Variants in ICAM1 observed in about 807,000 individuals in gnomAD.
ICAM1 encodes the protein intercellular adhesion molecule 1.
A neutral mutation model predicts 42.3 loss-of-function variants in ICAM1; 28 were observed. The ratio of observed to expected loss-of-function variants is 0.66; its 90% CI spans 0.49 to 0.91. The LOEUF (loss-of-function observed/expected upper bound fraction) is 0.91. ICAM1 is among the 40% of genes least tolerant of loss of function. ICAM1 has a pLI of 0.00. For synonymous variants in ICAM1, 304 were observed against 305.9 expected (o/e 0.99, Z 0.07); for missense variants, 637 against 688.6 (o/e 0.93, Z 0.84).
intron 2 of ICAM1, among the ~76,000 whole-genome samples, chr19:10,275,827 C>T (rs1445042100): frequency 3.3e-5 from 5 of 151,402 alleles, no homozygotes; most frequent in Admixed American, 6.6e-5. Flanking sequence ...CCTGCCTCAG[C>T]CTCCCGAGTA....
intron 1 of ICAM1, among the ~76,000 whole-genome samples, chr19:10,271,806 A>C (rs914547615): frequency 1.3e-5 from 2 of 151,202 alleles, no homozygotes; most frequent in Non-Finnish European, 3.0e-5. Context: ...GGCTGCTTCT[A>C]CTTGGGGGAA....
In ICAM1 at chr19:10,284,474, G is replaced by A; in HGVS notation, c.997G>A (p.Glu333Lys). The change falls in exon 5 of 7, where the codon GAG (glutamate) becomes AAG (lysine). Residue 333 changes from glutamate (E) to lysine (K), a missense_variant. By Grantham distance (56) the Glu-to-Lys change is moderately conservative (BLOSUM62 1). Transcript: ENST00000264832. This position sits in a 1 kb window ranked among gnomAD's most constrained non-coding sequence, Gnocchi z 5.4. ...SEGTEVTVKC[E>K]AHPRAKVTLN... ...AGGGACCGAGGTGACAGTGAAGTGT[G>A]AGGCCCACCCTAGAGCCAAGGTGAC... 6.2e-7 allele frequency: 1 copy of A among 1,614,040 alleles called. No homozygotes were observed. The highest frequency in any genetic ancestry group is 8.5e-7 in the Non-Finnish European group (1 of 1,180,008).
At chr19:10,280,975 T>A in intron 2 of ICAM1, among the ~76,000 whole-genome samples, 1 of 143,914 alleles carries the variant, frequency 6.9e-6, no homozygotes, top group Non-Finnish European at 1.5e-5. Flanking sequence ...CCGGGTTCAC[T>A]CCATCCTCCT....
chr19:10,272,560 CTT>C (rs1174775027), intron 1 of ICAM1, among the ~76,000 whole-genome samples: 7 of 56,132 alleles, frequency 1.2e-4, no homozygotes, highest in Non-Finnish European at 1.7e-4. Flanking sequence ...CTTTTCTTTT[CTT>C]TTTTTTTTTT....
chr19:10,274,685 C>A, intron 1 of ICAM1, 80 bp from the exon 2 acceptor site: 1 of 1,493,204 alleles, frequency 6.7e-7, no homozygotes, highest in South Asian at 1.2e-5. Context: ...GTGCCTCCAG[C>A]ACCCAGCACA....
In ICAM1 at chr19:10,283,763, C is replaced by T. The variant is rs537554894; in HGVS notation, c.614C>T (p.Ala205Val). The T allele has an allele frequency of 2.2e-5, 36 of 1,609,010 alleles. No individual in the cohort carries two copies. The Admixed American group carries it at 5.2e-4, about 23-fold the overall frequency. The change falls in exon 3 of 7, where the codon GCC becomes GTC. Residue 205 changes from alanine to valine, a missense_variant. By Grantham distance (64) the Ala-to-Val change is moderately conservative (BLOSUM62 0). Coordinates refer to ENST00000264832, the MANE Select transcript of ICAM1 (RefSeq NM_000201.3). ...QGLELFENTS[A>V]PYQLQTFVLP... ...CTGGAGCTGTTTGAGAACACCTCGG[C>T]CCCCTACCAGCTCCAGACCTTTGGT...
rs760785172 is a variant in ICAM1, at chr19:10,284,806, G to A, written c.1204G>A (p.Asp402Asn). ...VLYGPRLDER[D>N]CPGNWTWPEN... ...AGATGGCCCCCGACTGGACGAGAGG[G>A]ATTGTCCGGGAAACTGGACGTGGCC... The change falls in exon 6 of 7, where the codon GAT (aspartate) becomes AAT (asparagine). Residue 402 changes from aspartate to asparagine, a missense_variant. Physicochemically the swap from Asp to Asn is conservative, Grantham distance 23. Transcript: ENST00000264832. The surrounding 1 kb of genome is among the most constrained non-coding windows in gnomAD (Gnocchi z 5.4). 2.5e-6 allele frequency: 4 copies of A among 1,603,272 alleles called. No homozygotes were observed. The highest frequency in any genetic ancestry group is 3.6e-5 in the Admixed American group (2 of 55,590).
At chr19:10,281,822 T>G (rs2040061733) in intron 2 of ICAM1, among the ~76,000 whole-genome samples, 1 of 149,244 alleles carries the variant, frequency 6.7e-6, no homozygotes, top group Admixed American at 6.8e-5. Context: ...CTCTGCCTCC[T>G]GGGCTGAAGT....
intron 2 of ICAM1, among the ~76,000 whole-genome samples, chr19:10,279,912 A>C (rs1434823593): frequency 6.6e-6 from 1 of 150,974 alleles, no homozygotes; most frequent in East Asian, 1.9e-4. Context: ...TGAGGTTGGC[A>C]GAGCCTTGAA....
At position 10,284,054 on chromosome 19, in the gene ICAM1, A is replaced by G. The variant is rs200325260; in HGVS notation, c.659A>G (p.Gln220Arg). ...CTAGTCCTGCCAGCGACTCCCCCAC[A>G]ACTTGTCAGCCCCCGGGTCCTAGAG... ...QTFVLPATPP[Q>R]LVSPRVLEVD... is the part of the protein sequence containing the mutation. Residue 220 changes from glutamine (Q) to arginine (R), a missense_variant, in exon 4 of 7, where the codon CAA (glutamine) becomes CGA (arginine). Gln to Arg is a conservative substitution (Grantham distance 43, BLOSUM62 1). Transcript: ENST00000264832. The surrounding 1 kb of genome is among the most constrained non-coding windows in gnomAD (Gnocchi z 5.4). 6.2e-7 allele frequency: 1 copy of G among 1,613,488 alleles called. No homozygotes were observed. Among genetic ancestry groups the G allele is most frequent in the East Asian group, 2.2e-5 (1 of 44,824 alleles).
intron 2 of ICAM1, among the ~76,000 whole-genome samples, chr19:10,281,788 GGC>G (rs2040061508): frequency 6.7e-6 from 1 of 148,790 alleles, no homozygotes; most frequent in Admixed American, 6.8e-5. Flanking sequence ...AGAGTACAGT[GGC>G]GCGATCTCAG....
rs74178250 is a variant in ICAM1 at position 10,286,357 on chromosome 19, CGTGTGTGTGT to C, written c.*1077_*1086del. 4,746 of 151,316 alleles carry C rather than the reference CGTGTGTGTGT, an allele frequency of 0.031. 102 individuals are homozygous for C. The highest frequency in any genetic ancestry group is 0.043 in the Non-Finnish European group (2,891 of 67,814). 9.4% of individuals were successfully genotyped at this position (151,316 alleles called of 1,614,324 possible). On this transcript the variant is annotated 3_prime_UTR_variant, in exon 7 of 7. Transcript: ENST00000264832. ...CTCCCAGCTTTGGAAGCCTCATCCG[CGTGTGTGTGT>C]GTGTGTATGTGTAGACAAGCTCTCG...
intron 2 of ICAM1, among the ~76,000 whole-genome samples, chr19:10,275,534 T>C (rs1351412151): frequency 2.6e-5 from 4 of 152,056 alleles, no homozygotes; most frequent in Non-Finnish European, 5.9e-5. Context: ...CCTCACTCTT[T>C]GAACATATGA....
Position 10,274,990 on chromosome 19 carries a change from A to G in ICAM1, c.293A>G (p.Asp98Gly). The G allele has an allele frequency of 6.2e-7, 1 of 1,614,100 alleles. No homozygotes were observed. The highest frequency in any genetic ancestry group is 8.5e-7 in the Non-Finnish European group (1 of 1,180,002). ...SQPMCYSNCP[D>G]GQSTAKTFLT... ...CCAATGTGCTATTCAAACTGCCCTG[A>G]TGGGCAGTCAACAGCTAAAACCTTC... The change falls in exon 2 of 7, where the codon GAT (aspartate) becomes GGT (glycine). Residue 98 changes from aspartate (D) to glycine (G), a missense_variant. Physicochemically the swap from Asp to Gly is moderately conservative, Grantham distance 94. Transcript: ENST00000264832.
chr19:10,278,590 T>C (rs939186271), intron 2 of ICAM1, among the ~76,000 whole-genome samples: 2 of 123,810 alleles, frequency 1.6e-5, no homozygotes, highest in African/African-American at 6.3e-5. Flanking sequence ...TGACACACAG[T>C]CTTGCTCTGT....
chr19:10,284,826 G>C lies in ICAM1; in HGVS notation c.1224G>C (p.Thr408=). 6.3e-7 allele frequency: 1 copy of C among 1,596,900 alleles called. No homozygotes were observed. The highest frequency in any genetic ancestry group is 8.5e-7 in the Non-Finnish European group (1 of 1,175,540). ...AGAGGGATTGTCCGGGAAACTGGAC[G>C]TGGCCAGAAAATTCCCAGCAGACTC... ...LDERDCPGNW[T]WPENSQQTPM... Residue 408 remains threonine (T), a synonymous_variant, in exon 6 of 7, where the codon ACG becomes ACC. Coordinates refer to ENST00000264832, the MANE Select transcript of ICAM1 (RefSeq NM_000201.3). The surrounding 1 kb of genome is among the most constrained non-coding windows in gnomAD (Gnocchi z 5.4).
chr19:10,273,505 A>T (rs2039996229), intron 1 of ICAM1, among the ~76,000 whole-genome samples: 1 of 146,914 alleles, frequency 6.8e-6, no homozygotes, highest in South Asian at 2.2e-4. Flanking sequence ...AAAAAAAAAA[A>T]TGTTTTTCAA....
Position 10,285,366 on chromosome 19 carries a change from A to G in ICAM1, c.*79A>G, listed in dbSNP as rs1343335830. 24 of 1,395,078 alleles carry G rather than the reference A, an allele frequency of 1.7e-5. No homozygotes were observed. Among genetic ancestry groups the G allele is most frequent in the Non-Finnish European group, 2.3e-5 (23 of 1,008,262 alleles). The allele number at this position is 1,395,078 out of a possible 1,614,324, so 86.4% of individuals were successfully genotyped here. Reference sequence around the variant, plus strand: ...TGCCACACTGAACAGAGTGGAAGACATATGCCATGCAGCTACACCTACCGG... The same window carrying G: ...TGCCACACTGAACAGAGTGGAAGACGTATGCCATGCAGCTACACCTACCGG... On this transcript the variant is annotated 3_prime_UTR_variant, in exon 7 of 7. Transcript: ENST00000264832.
rs752690617 is a variant in ICAM1 at position 10,271,168 on chromosome 19, C to T, written c.9C>T (p.Pro3=). ...GCAACCTCAGCCTCGCTATGGCTCC[C>T]AGCAGCCCCCGGCCCGCGCTGCCCG... MA[P]SSPRPALPAL... Residue 3 remains proline (P), a synonymous_variant, in exon 1 of 7, where the codon CCC becomes CCT. Coordinates refer to ENST00000264832, the MANE Select transcript of ICAM1 (RefSeq NM_000201.3). The T allele has an allele frequency of 2.0e-5, 32 of 1,612,818 alleles. No homozygotes were observed. The highest frequency in any genetic ancestry group is 2.6e-5 in the Non-Finnish European group (31 of 1,179,754).
Sources: allele counts gnomAD v4.1 joint callset (sites outside exome capture counted in the v4.1 genomes callset), GRCh38; gene constraint gnomAD v4.1.1; non-coding constraint Gnocchi (gnomAD v3.1); transcripts MANE v1.5; gene names NCBI Gene and HGNC (gene_info 2026-07-23, HGNC 2026-07-21).